Variants in ZNF831 observed in about 807,000 individuals in gnomAD.
ZNF831 encodes the protein zinc finger protein 831.
Under a neutral mutation model 95.8 loss-of-function variants are expected in ZNF831, and 59 were observed. The ratio of observed to expected loss-of-function variants is 0.62; its 90% confidence interval spans 0.50 to 0.77. The LOEUF (loss-of-function observed/expected upper bound fraction) is 0.77, where lower values mean the gene tolerates loss of function less well. Ranked by LOEUF, ZNF831 falls within the 30% of genes least tolerant of loss-of-function variation. ZNF831 has a pLI of 0.00. For synonymous variants in ZNF831, 961 were observed against 925.5 expected (o/e 1.04, Z -0.70); for missense variants, 2,205 against 2,164.0 (o/e 1.02, Z -0.38).
At chr20:59,221,423 G>C (rs1986065420) in intron 4 of ZNF831, among the ~76,000 whole-genome samples, 1 of 152,182 alleles carries the variant, frequency 6.6e-6, no homozygotes, top group African/African-American at 2.4e-5. Flanking sequence ...CTGTGCTCTT[G>C]TAGGGACCCC....
Position 59,192,657 on chromosome 20 carries a change from G to C in ZNF831, c.1638G>C (p.Ser546=), listed in dbSNP as rs562181302. Residue 546 remains serine, a synonymous_variant, in exon 2 of 6, where the codon TCG becomes TCC. Coordinates refer to ENST00000371030, the MANE Select transcript of ZNF831 (RefSeq NM_178457.3). This position sits in a 1 kb window ranked among gnomAD's most constrained non-coding sequence, Gnocchi z 5.2. ...GCCCAGCCCGCCTGGGCTGCCGCTC[G>C]GGACTAAGCTCGACTGACGTTCCCA... The part of the protein sequence containing the change: ...RPGPARLGCR[S]GLSSTDVPSG... The C allele has an allele frequency of 2.0e-6, 3 of 1,518,088 alleles. No individual in the cohort carries two copies. Among genetic ancestry groups the C allele is most frequent in the Non-Finnish European group, 2.6e-6 (3 of 1,134,358 alleles). 94.0% of individuals were successfully genotyped at this position (1,518,088 alleles called of 1,614,324 possible).
chr20:59,187,308 G>A (rs1190202252), intron 1 of ZNF831, among the ~76,000 whole-genome samples: 1 of 152,216 alleles, frequency 6.6e-6, no homozygotes, highest in South Asian at 2.1e-4. Context: ...AGGTCATGAC[G>A]TGGAGCCCTC....
intron 1 of ZNF831, among the ~76,000 whole-genome samples, chr20:59,167,815 A>G (rs1981401463): frequency 6.6e-6 from 1 of 152,160 alleles, no homozygotes; most frequent in African/African-American, 2.4e-5. Context: ...CAGAGGTTGC[A>G]CTGAGCTGAG....
chr20:59,241,943 A>G (rs1347641231), intron 4 of ZNF831, among the ~76,000 whole-genome samples: 2 of 152,180 alleles, frequency 1.3e-5, no homozygotes, highest in Non-Finnish European at 2.9e-5. Context: ...ATGAAAACAG[A>G]ACAATATTCC....
At position 59,191,071 on chromosome 20, in the gene ZNF831, G is replaced by A. The variant is rs1195063328; in HGVS notation, c.52G>A (p.Ala18Thr). ...CPAPPARDQP[A>T]PTPGPPGAPG... ...TGCCCCTCCTGCGAGGGACCAGCCAGCTCCCACTCCTGGCCCTCCAGGGGC... is the reference window on the plus strand; with the variant it reads ...TGCCCCTCCTGCGAGGGACCAGCCAACTCCCACTCCTGGCCCTCCAGGGGC... The change falls in exon 2 of 6, where the codon GCT becomes ACT. Residue 18 changes from alanine to threonine, a missense_variant. Transcript: ENST00000371030. The A allele has an allele frequency of 6.6e-7, 1 of 1,518,290 alleles. No homozygotes were observed. The highest frequency in any genetic ancestry group is 8.8e-7 in the Non-Finnish European group (1 of 1,141,246). 94.1% of individuals were successfully genotyped at this position (1,518,290 alleles called of 1,614,324 possible).
intron 1 of ZNF831, among the ~76,000 whole-genome samples, chr20:59,136,281 T>C (rs1377835719): frequency 6.6e-6 from 1 of 152,172 alleles, no homozygotes; most frequent in African/African-American, 2.4e-5. Context: ...CTCTTCTGCT[T>C]TTAAGGGTTC....
chr20:59,228,776 G>A (rs1986566341), intron 4 of ZNF831, among the ~76,000 whole-genome samples: 1 of 152,154 alleles, frequency 6.6e-6, no homozygotes, highest in African/African-American at 2.4e-5. Flanking sequence ...GGGAAATTGG[G>A]ATTTCCATCA....
intron 2 of ZNF831, among the ~76,000 whole-genome samples, chr20:59,152,534 G>A (rs1020649615): frequency 7.2e-5 from 11 of 152,216 alleles, no homozygotes; most frequent in Non-Finnish European, 1.2e-4. Flanking sequence ...TGGGCTTGGA[G>A]CTGGCGAATA....
intron 1 of ZNF831, among the ~76,000 whole-genome samples, chr20:59,143,221 AT>A (rs1225962998): frequency 6.6e-6 from 1 of 152,102 alleles, no homozygotes; most frequent in Non-Finnish European, 1.5e-5. Flanking sequence ...TTTATTTGCC[AT>A]TTTGCTCCTA....
chr20:59,178,508 C>T (rs933110777), intron 1 of ZNF831, among the ~76,000 whole-genome samples: 2 of 152,114 alleles, frequency 1.3e-5, no homozygotes, highest in Non-Finnish European at 2.9e-5. Context: ...CTGCTATGTG[C>T]CAGGTAGTAT....
chr20:59,162,286 T>C (rs1353343975), upstream of ZNF831, among the ~76,000 whole-genome samples: 2 of 152,260 alleles, frequency 1.3e-5, no homozygotes, highest in African/African-American at 2.4e-5. Context: ...TATTTATTTT[T>C]GTTGCATTTG....
chr20:59,245,828 T>C (rs540302444), intron 4 of ZNF831, among the ~76,000 whole-genome samples: 2 of 152,288 alleles, frequency 1.3e-5, no homozygotes, highest in South Asian at 2.1e-4. Flanking sequence ...TTCACTGAAT[T>C]TGGAGAAAGT....
chr20:59,214,140 T>C lies in ZNF831; in HGVS notation c.4027+7084T>C, dbSNP rs79153635. On this transcript the variant is annotated intron_variant, in intron 4 of 5. Transcript: ENST00000371030. ...GGAAAGAAAAAAGGCCATCCATCCA[T>C]GCAGGCAGCTTTGAAGATAAACAGC... Among the ~76,000 whole-genome samples the C allele has an allele frequency of 8.8e-3, 1,336 of 152,338 alleles. 51 individuals carry two copies. The East Asian group carries it at 0.09, about 10-fold the overall frequency.
intron 4 of ZNF831, among the ~76,000 whole-genome samples, chr20:59,229,249 A>G (rs1208364654): frequency 6.6e-6 from 1 of 152,188 alleles, no homozygotes; most frequent in South Asian, 2.1e-4. Flanking sequence ...GGCTGTTGTG[A>G]ATAGCGTGGC....
At chr20:59,124,573 G>A (rs1979108432) in intron 1 of ZNF831, among the ~76,000 whole-genome samples, 1 of 152,094 alleles carries the variant, frequency 6.6e-6, no homozygotes, top group Admixed American at 6.5e-5. Context: ...TGTGCAGTGG[G>A]GCCAGACGCC....
chr20:59,177,958 T>C (rs1285745467), intron 1 of ZNF831, among the ~76,000 whole-genome samples: 1 of 152,238 alleles, frequency 6.6e-6, no homozygotes, highest in Non-Finnish European at 1.5e-5. Context: ...TCCGATCTGC[T>C]CACAGTACTT....
intron 4 of ZNF831, among the ~76,000 whole-genome samples, chr20:59,224,705 C>T (rs1986322114): frequency 6.6e-6 from 1 of 152,168 alleles, no homozygotes; most frequent in African/African-American, 2.4e-5. Context: ...GTTTAATAGT[C>T]GTTCAATCTA....
At chr20:59,140,889 C>A (rs1360555235) in intron 1 of ZNF831, among the ~76,000 whole-genome samples, 1 of 152,100 alleles carries the variant, frequency 6.6e-6, no homozygotes, top group Non-Finnish European at 1.5e-5. Context: ...TTTTGCAGAG[C>A]AATAGTTTTA....
intron 2 of ZNF831, among the ~76,000 whole-genome samples, chr20:59,195,617 C>T (rs1452839052): frequency 6.6e-6 from 1 of 152,140 alleles, no homozygotes; most frequent in Non-Finnish European, 1.5e-5. Context: ...GTTTCTTTGG[C>T]CTCCAGTTAA....
Sources: gnomAD v4.1 joint callset for allele counts (sites outside exome capture counted in the v4.1 genomes callset) on GRCh38, gnomAD v4.1.1 for gene constraint, Gnocchi (gnomAD v3.1) non-coding constraint, MANE v1.5 for transcripts, NCBI Gene and HGNC (gene_info 2026-07-23, HGNC 2026-07-21) for gene names.